The following RPL36A variants were observed in gnomAD, a reference collection of about 807,000 sequenced individuals.
The protein encoded by RPL36A is ribosomal protein L36a.
For synonymous variants in RPL36A, 25 were observed against 28.5 expected (o/e 0.88, Z 0.39); for missense variants, 20 against 81.0 (o/e 0.25, Z 2.89).
rs1252603035 is a variant in RPL36A at position 101,391,066 on chromosome X, G to A, written c.3+20G>A. 2.7e-5 allele frequency: 32 copies of A among 1,199,302 alleles called. No individual in the cohort carries two copies. Among genetic ancestry groups the A allele is most frequent in the Non-Finnish European group, 3.5e-5 (31 of 884,938 alleles). On this transcript the variant is annotated intron_variant, in intron 1 of 4. Coordinates refer to ENST00000553110, the MANE Select transcript of RPL36A (RefSeq NM_021029.6). Reference sequence around the variant, plus strand: ...AGCATGGTAGGACTTGCTGGTGGGGGCCGAGTAACATCCAGCTTAATCTTT... The same window carrying A: ...AGCATGGTAGGACTTGCTGGTGGGGACCGAGTAACATCCAGCTTAATCTTT...
intron 3 of RPL36A, 78 bp from the exon 4 acceptor site, chrX:101,395,256 TA>T: frequency 9.4e-7 from 1 of 1,061,041 alleles, no homozygotes; most frequent in African/African-American, 1.9e-5. Context: ...TTGCTTTAAA[TA>T]GTACTTAAAG....
At chrX:101,393,922 A>G (rs1261048490) in intron 3 of RPL36A, 2 of 112,525 alleles carry the variant, frequency 1.8e-5, no homozygotes, top group Non-Finnish European at 3.7e-5. Flanking sequence ...TTTGTTAATG[A>G]GTCATACTAA....
chrX:101,394,474 A>G (rs1401132890), intron 3 of RPL36A, among the ~76,000 whole-genome samples: 9 of 108,048 alleles, frequency 8.3e-5, no homozygotes, highest in African/African-American at 1.3e-4. Context: ...GGTTCTCACT[A>G]TGTTGCCCAG....
chrX:101,392,287 A>C, intron 3 of RPL36A: 1 of 874,056 alleles, frequency 1.1e-6, no homozygotes, highest in Non-Finnish European at 1.4e-6. Context: ...TAGCCTCCTG[A>C]ATTCTGTATT....
rs1349555492 is a variant in RPL36A at position 101,391,445 on chromosome X, T to G, written c.4-14T>G. ...TCAAATAACATTGCACGTTCTGAAC[T>G]GTTTCTTTACTAGGTTAACGTCCCT... On this transcript the variant is annotated splice_polypyrimidine_tract_variant and intron_variant, in intron 1 of 4. Coordinates refer to ENST00000553110, the MANE Select transcript of RPL36A (RefSeq NM_021029.6). 8.3e-7 allele frequency: 1 copy of G among 1,208,201 alleles called. No individual in the cohort carries two copies. Among genetic ancestry groups the G allele is most frequent in the African/African-American group, 1.8e-5 (1 of 57,127 alleles).
At chrX:101,394,321 T>TC (rs1344905888) in intron 3 of RPL36A, among the ~76,000 whole-genome samples, 4 of 85,349 alleles carry the variant, frequency 4.7e-5, no homozygotes, top group Non-Finnish European at 8.7e-5. Flanking sequence ...AAACTCCATC[T>TC]CAAAAAAAAA....
chrX:101,394,706 TTA>T (rs781879386), intron 3 of RPL36A, among the ~76,000 whole-genome samples: 3,472 of 101,233 alleles, frequency 0.034, 188 homozygotes, highest in African/African-American at 0.12. Flanking sequence ...CATTTTCTCT[TTA>T]TATATATATA....
rs1491377988 is a variant in RPL36A at position 101,394,774 on chromosome X, TAA to T, written c.178-560_178-559del. ...TGTTTTTTATATATATTTATATATA[TAA>T]TATATATATATATATTTTTTTTTTT... is the stretch of plus-strand genomic sequence containing the variant. On this transcript the variant is annotated intron_variant, in intron 3 of 4. Transcript: ENST00000553110. Among the ~76,000 whole-genome samples the T allele has an allele frequency of 7.6e-3, 650 of 85,198 alleles. 6 individuals are homozygous for T. Among genetic ancestry groups the T allele is most frequent in the Non-Finnish European group, 0.011 (523 of 47,470 alleles). 74.0% of individuals were successfully genotyped at this position (85,198 alleles called of 115,157 possible). A position where few individuals can be genotyped will look rare whatever the true frequency, so the allele number is the denominator to read the frequency against.
chrX:101,392,374 T>G, intron 3 of RPL36A: 1 of 838,534 alleles, frequency 1.2e-6, no homozygotes, highest in Non-Finnish European at 1.4e-6. Flanking sequence ...AGCACGATGA[T>G]TGGAACGGAG....
At chrX:101,394,415 G>A (rs1927940421) in intron 3 of RPL36A, among the ~76,000 whole-genome samples, 1 of 109,036 alleles carries the variant, frequency 9.2e-6, no homozygotes, top group Admixed American at 1.0e-4. Context: ...ATAAATTCTA[G>A]ACATAATTGT....
chrX:101,392,313 T>C, intron 3 of RPL36A: 1 of 869,679 alleles, frequency 1.1e-6, no homozygotes, highest in Non-Finnish European at 1.4e-6. Context: ...GCTGAGCGAG[T>C]TTCTGTTTAC....
At chrX:101,392,690 C>T (rs1927856296) in intron 3 of RPL36A, 1 of 685,533 alleles carries the variant, frequency 1.5e-6, no homozygotes, top group African/African-American at 2.4e-5. Flanking sequence ...CCAACAATCC[C>T]ACTGCTGGGT....
intron 1 of RPL36A, 165 bp from the exon 2 acceptor site, chrX:101,391,294 G>T: frequency 1.5e-6 from 1 of 654,737 alleles, no homozygotes; most frequent in Admixed American, 3.0e-5. Context: ...GCTCGACGGA[G>T]GGAGGAAGCT....
At chrX:101,391,412 C>T (rs782061794) in intron 1 of RPL36A, 47 bp from the exon 2 acceptor site, 3 of 1,191,459 alleles carry the variant, frequency 2.5e-6, no homozygotes. Flanking sequence ...GGCGTTGTGC[C>T]ATTGTGGTCA....
intron 3 of RPL36A, chrX:101,393,595 C>T (rs190856692): frequency 8.9e-6 from 1 of 112,079 alleles, no homozygotes; most frequent in East Asian, 2.8e-4. Flanking sequence ...TCAACAGTCA[C>T]GAGTCATGTT....
chrX:101,391,655 C>T, intron 2 of RPL36A, 91 bp downstream of exon 2: 3 of 1,194,906 alleles, frequency 2.5e-6, no homozygotes, highest in Middle Eastern at 2.3e-4. Context: ...CCACGCCTGG[C>T]TTGAGCGTTA....
In RPL36A at chrX:101,395,931, T is replaced by C; in HGVS notation, c.*183T>C. On this transcript the variant is annotated 3_prime_UTR_variant, in exon 5 of 5. Transcript: ENST00000553110. ...AAGCTGACTGGTTGAGTTCACATCA[T>C]ATGTTGCAATTTTCTAATTTGGCAC... 2.3e-6 allele frequency: 1 copy of C among 436,680 alleles called. No homozygotes were observed. 36.0% of individuals were successfully genotyped at this position (436,680 alleles called of 1,213,427 possible).
At chrX:101,393,258 G>GA (rs1337627185) in intron 3 of RPL36A, 2 of 111,155 alleles carry the variant, frequency 1.8e-5, no homozygotes, top group African/African-American at 6.5e-5. Flanking sequence ...GGCACACAAA[G>GA]ACAAGCATCA....
intron 3 of RPL36A, 161 bp downstream of exon 3, chrX:101,391,983 T>C: frequency 8.5e-7 from 1 of 1,173,546 alleles, no homozygotes; most frequent in Non-Finnish European, 1.1e-6. Context: ...ATGCAACTCA[T>C]GTCTGACTAG....
Sources: allele counts gnomAD v4.1 joint callset (sites outside exome capture counted in the v4.1 genomes callset), GRCh38; gene constraint gnomAD v4.1.1; transcripts MANE v1.5; gene names NCBI Gene and HGNC (gene_info 2026-07-23, HGNC 2026-07-21).